Variants in TMEM268 observed in about 807,000 individuals in gnomAD.
TMEM268 encodes transmembrane protein 268.
A neutral mutation model predicts 39.1 loss-of-function variants in TMEM268; 24 were observed. That is an observed-to-expected ratio of 0.61 (90% CI 0.44 to 0.86). TMEM268 has a LOEUF of 0.86. Ranked by LOEUF, TMEM268 falls within the 40% of genes least tolerant of loss-of-function variation. The pLI is 0.00. For synonymous variants in TMEM268, 176 were observed against 173.5 expected (o/e 1.01, Z -0.12); for missense variants, 409 against 428.6 (o/e 0.95, Z 0.40).
chr9:114,626,808 T>G (rs923137744), intron 3 of TMEM268, 91 bp from the exon 4 acceptor site: 41 of 914,330 alleles, frequency 4.5e-5, no homozygotes, highest in Non-Finnish European at 8.8e-6. Context: ...CAGCCCAGAA[T>G]GTGCCTAATC....
At chr9:114,620,071 C>A (rs141015143) in intron 2 of TMEM268, among the ~76,000 whole-genome samples, 1 of 151,772 alleles carries the variant, frequency 6.6e-6, no homozygotes, top group South Asian at 2.1e-4. Context: ...AAAAATTAGC[C>A]GGGTGTGGTG....
chr9:114,638,869 A>C (rs16930496), intron 8 of TMEM268, 143 bp downstream of exon 8: 6,559 of 531,902 alleles, frequency 0.012, 337 homozygotes, highest in African/African-American at 0.12. Flanking sequence ...AGGAGTTTTC[A>C]ATCTTTTCAT....
chr9:114,619,558 A>G (rs1845864798), intron 2 of TMEM268, among the ~76,000 whole-genome samples: 1 of 152,196 alleles, frequency 6.6e-6, no homozygotes, highest in East Asian at 1.9e-4. Flanking sequence ...CTGAGTCTCC[A>G]TGCGTGGAGT....
At chr9:114,624,120 C>T (rs928035689) in intron 2 of TMEM268, 16 of 789,028 alleles carry the variant, frequency 2.0e-5, no homozygotes, top group Middle Eastern at 4.4e-4. Flanking sequence ...TATATGGTCT[C>T]ACATTGTGGT....
intron 8 of TMEM268, among the ~76,000 whole-genome samples, chr9:114,642,788 C>T (rs1210054057): frequency 6.6e-6 from 1 of 151,968 alleles, no homozygotes; most frequent in African/African-American, 2.4e-5. Context: ...GCCAGCTAGG[C>T]TTAAAAAATT....
At chr9:114,604,407 G>A in the TMEM268 span, among the ~76,000 whole-genome samples, 1 of 151,928 alleles carries the variant, frequency 6.6e-6, no homozygotes, top group South Asian at 2.1e-4. Flanking sequence ...GCGAAACCCT[G>A]TCTCTACTGA....
chr9:114,607,565 G>A (rs1164714853), upstream of TMEM268, among the ~76,000 whole-genome samples: 1 of 152,210 alleles, frequency 6.6e-6, no homozygotes, highest in African/African-American at 2.4e-5. Flanking sequence ...TGAGGTGGGA[G>A]GATCACTTGA....
rs1212559570 is a variant in TMEM268, at chr9:114,624,390, C to T, written c.147C>T (p.Asp49=). 1 of 1,604,444 alleles carries T rather than the reference C, an allele frequency of 6.2e-7. No individual in the cohort carries two copies. Among genetic ancestry groups the T allele is most frequent in the Admixed American group, 1.7e-5 (1 of 58,948 alleles). ...NGQVLTVLRI[D]NTCAPISFDL... ...AGGTCCTCACTGTTCTCCGGATTGA[C>T]AATACCTGTGCACCCATCTCCTTCG... Residue 49 remains aspartate, a synonymous_variant, in exon 3 of 9, where the codon GAC becomes GAT. Transcript: ENST00000288502.
intron 6 of TMEM268, among the ~76,000 whole-genome samples, chr9:114,636,518 T>TCTTTTCTTTTCTTTTCTTTG: frequency 6.6e-6 from 1 of 152,128 alleles, no homozygotes; most frequent in South Asian, 2.1e-4. Flanking sequence ...TCTTTTCTTT[T>TCTTTTCTTTTCTTTTCTTTG]CAGACAGAGT....
chr9:114,637,753 A>G (rs1846706076), intron 7 of TMEM268, among the ~76,000 whole-genome samples: 1 of 152,126 alleles, frequency 6.6e-6, no homozygotes, highest in Admixed American at 6.5e-5. Context: ...AGGCTCCGGG[A>G]TGACCTGTTA....
chr9:114,622,676 G>A (rs1444110797), intron 2 of TMEM268, among the ~76,000 whole-genome samples: 2 of 152,152 alleles, frequency 1.3e-5, no homozygotes, highest in Non-Finnish European at 2.9e-5. Flanking sequence ...GAATAAACAC[G>A]TATTTTATGC....
chr9:114,640,276 A>G (rs1342484215), intron 8 of TMEM268, among the ~76,000 whole-genome samples: 1 of 152,172 alleles, frequency 6.6e-6, no homozygotes, highest in African/African-American at 2.4e-5. Context: ...CATGAGTATC[A>G]AGTGTGTGCA....
intron 8 of TMEM268, among the ~76,000 whole-genome samples, 187 bp downstream of exon 8, chr9:114,638,913 G>A (rs10759726): frequency 0.44 from 66,781 of 152,030 alleles, 14,807 homozygotes; most frequent in Admixed American, 0.49. Context: ...ATAGTTAACA[G>A]GAAGCATTTT....
chr9:114,610,292 G>T (rs1372151823), upstream of TMEM268, among the ~76,000 whole-genome samples: 2 of 152,186 alleles, frequency 1.3e-5, no homozygotes, highest in Admixed American at 1.3e-4. Flanking sequence ...TCCCGCCTCG[G>T]CCTCCCAAAG....
chr9:114,643,479 C>A lies in TMEM268; in HGVS notation c.*166C>A. On this transcript the variant is annotated 3_prime_UTR_variant, in exon 9 of 9. Coordinates refer to ENST00000288502, the MANE Select transcript of TMEM268 (RefSeq NM_153045.4). ...TGGGGTGTTGTGCTCACTTCAGGGC[C>A]CAGCACAAAAATCCTTGTTTGACAT... 1 of 618,664 alleles carries A rather than the reference C, an allele frequency of 1.6e-6. No individual in the cohort carries two copies. Among genetic ancestry groups the A allele is most frequent in the East Asian group, 2.8e-5 (1 of 36,234 alleles). The allele number at this position is 618,664 out of a possible 1,614,324, so 38.3% of individuals were successfully genotyped here. A position where few individuals can be genotyped will look rare whatever the true frequency, so the allele number is the denominator to read the frequency against.
intron 1 of TMEM268, among the ~76,000 whole-genome samples, chr9:114,615,923 C>G (rs1231773816): frequency 6.6e-6 from 1 of 151,812 alleles, no homozygotes; most frequent in East Asian, 1.9e-4. Flanking sequence ...AACTCCTGAC[C>G]TCAGGTGATT....
chr9:114,631,061 C>T (rs1846372136), intron 5 of TMEM268, among the ~76,000 whole-genome samples: 2 of 152,226 alleles, frequency 1.3e-5, no homozygotes, highest in South Asian at 4.2e-4. Context: ...CACTTATAAT[C>T]CCAGTACTTT....
chr9:114,618,805 A>C (rs1845834131), intron 2 of TMEM268, among the ~76,000 whole-genome samples: 1 of 152,230 alleles, frequency 6.6e-6, no homozygotes, highest in African/African-American at 2.4e-5. Flanking sequence ...CATTTATCAT[A>C]GTCTGTAAAT....
At chr9:114,639,696 G>A in intron 8 of TMEM268, among the ~76,000 whole-genome samples, 1 of 151,740 alleles carries the variant, frequency 6.6e-6, no homozygotes, top group East Asian at 2.0e-4. Flanking sequence ...CTGGTGGGCA[G>A]TAGGAAGCCT....
Sources: allele counts gnomAD v4.1 joint callset (sites outside exome capture counted in the v4.1 genomes callset), GRCh38; gene constraint gnomAD v4.1.1; transcripts MANE v1.5; gene names NCBI Gene and HGNC (gene_info 2026-07-23, HGNC 2026-07-21).